The following SLC35D1 variants were observed in gnomAD, a reference collection of about 807,000 sequenced individuals.
SLC35D1 encodes nucleotide sugar transporter SLC35D1.
SLC35D1 carries 31 observed loss-of-function variants against 46.7 expected under a neutral mutation model. That is an observed-to-expected ratio of 0.66 (90% CI 0.50 to 0.90). The LOEUF is 0.90. Ranked by LOEUF, SLC35D1 falls within the 40% of genes least tolerant of loss-of-function variation. The pLI, the probability that SLC35D1 is intolerant of heterozygous loss-of-function variation, is 0.00. For missense variants in SLC35D1, 397 were observed against 426.2 expected, an observed-to-expected ratio of 0.93 and a Z score of 0.60; for synonymous variants, 195 against 164.6, an observed-to-expected ratio of 1.18 and a Z score of -1.41.
chr1:67,028,677 A>G (rs1280629493), intron 8 of SLC35D1, among the ~76,000 whole-genome samples: 1 of 152,258 alleles, frequency 6.6e-6, no homozygotes, highest in East Asian at 1.9e-4. Context: ...AATTTGCAGA[A>G]AAAAAATTTC....
At chr1:67,052,527 T>G (rs1645320462) in intron 3 of SLC35D1, among the ~76,000 whole-genome samples, 1 of 152,176 alleles carries the variant, frequency 6.6e-6, no homozygotes, top group African/African-American at 2.4e-5. Context: ...ACTATTGTAC[T>G]CTCAACAAGT....
At chr1:66,975,401 A>G in the SLC35D1 span, among the ~76,000 whole-genome samples, 12 of 151,922 alleles carry the variant, frequency 7.9e-5, no homozygotes, top group Admixed American at 2.0e-4. Flanking sequence ...GTGGCATGCA[A>G]TTGTGGTCCC....
intron 8 of SLC35D1, 140 bp from the exon 9 acceptor site, chr1:67,021,742 C>A: frequency 1.4e-6 from 1 of 711,436 alleles, no homozygotes; most frequent in Non-Finnish European, 2.5e-6. Context: ...CACACACACA[C>A]ACACACACAC....
chr1:66,983,514 G>A, the SLC35D1 span, among the ~76,000 whole-genome samples: 1 of 152,078 alleles, frequency 6.6e-6, no homozygotes, highest in Non-Finnish European at 1.5e-5. Context: ...CCATTTTACA[G>A]TCAACTCTAA....
At chr1:66,977,413 A>G in the SLC35D1 span, among the ~76,000 whole-genome samples, 2 of 152,042 alleles carry the variant, frequency 1.3e-5, no homozygotes, top group African/African-American at 4.8e-5. Flanking sequence ...CCCAGCATAC[A>G]GTTTTTTTAT....
intron 6 of SLC35D1, among the ~76,000 whole-genome samples, chr1:67,048,606 G>T (rs896240291): frequency 2.0e-5 from 3 of 152,160 alleles, no homozygotes; most frequent in African/African-American, 7.2e-5. Context: ...TATACTACAG[G>T]AATGTGATGA....
Position 67,053,878 on chromosome 1 carries a change from C to A in SLC35D1, c.136G>T (p.Ala46Ser), listed in dbSNP as rs1231025375. The A allele has an allele frequency of 3.7e-6, 6 of 1,613,664 alleles. No homozygotes were observed. The highest frequency in any genetic ancestry group is 5.1e-6 in the Non-Finnish European group (6 of 1,179,700). ...AAGGAGCTCACGCCGTAAAAGCCGGCGGCCAGCAGCTTCAGAAACACGGTC... is the reference window on the plus strand; with the variant it reads ...AAGGAGCTCACGCCGTAAAAGCCGGAGGCCAGCAGCTTCAGAAACACGGTC... ...TLTVFLKLLA[A>S]GFYGVSSFLI... is the part of the protein sequence containing the mutation. The change falls in exon 1 of 12, where the codon GCC becomes TCC. Residue 46 changes from alanine (A) to serine (S), a missense_variant. Transcript: ENST00000235345.
intron 10 of SLC35D1, among the ~76,000 whole-genome samples, chr1:67,016,207 T>G (rs992703559): frequency 2.6e-5 from 4 of 152,128 alleles, no homozygotes; most frequent in Admixed American, 2.0e-4. Flanking sequence ...GTAATAATTA[T>G]GATTATGTTA....
At chr1:67,023,713 T>C (rs1385902872) in intron 8 of SLC35D1, among the ~76,000 whole-genome samples, 1 of 151,458 alleles carries the variant, frequency 6.6e-6, no homozygotes, top group Admixed American at 6.6e-5. Flanking sequence ...CACGAACTCC[T>C]GACTTCAAGT....
chr1:66,980,733 A>C, the SLC35D1 span, among the ~76,000 whole-genome samples: 1 of 152,010 alleles, frequency 6.6e-6, no homozygotes, highest in Non-Finnish European at 1.5e-5. Flanking sequence ...CAACTTAGGT[A>C]CCAGTGGTGC....
chr1:66,975,857 G>C, the SLC35D1 span, among the ~76,000 whole-genome samples: 1 of 152,096 alleles, frequency 6.6e-6, no homozygotes, highest in Non-Finnish European at 1.5e-5. Context: ...GTTGCTGTTG[G>C]GACTAGTAAG....
intron 10 of SLC35D1, 28 bp downstream of exon 10, chr1:67,020,341 C>A: frequency 7.0e-7 from 1 of 1,434,776 alleles, no homozygotes; most frequent in South Asian, 1.1e-5. Context: ...ATGCAGGTAC[C>A]AAAAGCTAAC....
At chr1:66,984,730 C>T in the SLC35D1 span, 2 of 1,613,980 alleles carry the variant, frequency 1.2e-6, no homozygotes, top group Admixed American at 1.7e-5. Context: ...TGACCCAAAA[C>T]TTGCCCATAT....
At position 67,050,445 on chromosome 1, in the gene SLC35D1, C is replaced by T. The variant is rs1249347207; in HGVS notation, c.452G>A (p.Gly151Glu). The stretch of plus-strand genomic sequence containing the variant: ...AAACTTAGCTCACTTGAGTAAAACT[C>T]CTTCAGCAAACATTGTAAACAGGAT... ...FSILFTMFAE[G>E]VLLKKTFSWG... is the part of the protein sequence containing the mutation. The change falls in exon 5 of 12, where the codon GGA becomes GAA. Residue 151 changes from glycine (G) to glutamate (E), a missense_variant. Coordinates refer to ENST00000235345, the MANE Select transcript of SLC35D1 (RefSeq NM_015139.3). 54 of 1,613,104 alleles carry T rather than the reference C, an allele frequency of 3.3e-5. No individual in the cohort carries two copies. Among genetic ancestry groups the T allele is most frequent in the Non-Finnish European group, 4.6e-5 (54 of 1,179,338 alleles).
At chr1:67,052,314 G>A (rs1317288564) in intron 3 of SLC35D1, among the ~76,000 whole-genome samples, 13 of 152,116 alleles carry the variant, frequency 8.5e-5, no homozygotes, top group Admixed American at 8.5e-4. Context: ...ACAGAAATAT[G>A]AATATGATCA....
rs780913173 is a variant in SLC35D1, at chr1:67,004,395, C to T, written c.1013G>A (p.Ser338Asn). The change falls in exon 12 of 12, where the codon AGC (serine) becomes AAC (asparagine). Residue 338 changes from serine to asparagine, a missense_variant. Transcript: ENST00000235345. ...SYITFTEEQL[S>N]KQSEANNKLD... ...CTTGTTATTAGCCTCTGACTGTTTGCTCAGCTGCTCTTCAGTGAAAGTGAT... is the reference window on the plus strand; with the variant it reads ...CTTGTTATTAGCCTCTGACTGTTTGTTCAGCTGCTCTTCAGTGAAAGTGAT... 3 of 1,614,080 alleles carry T rather than the reference C, an allele frequency of 1.9e-6. 1 individual carries two copies. Among genetic ancestry groups the T allele is most frequent in the Non-Finnish European group, 2.5e-6 (3 of 1,179,976 alleles).
intron 3 of SLC35D1, 75 bp downstream of exon 3, chr1:67,052,696 G>C (rs1645322470): frequency 6.8e-7 from 1 of 1,480,224 alleles, no homozygotes; most frequent in African/African-American, 1.4e-5. Context: ...TTTTAAATAC[G>C]CAAGGCACTG....
At chr1:66,975,636 C>T in the SLC35D1 span, among the ~76,000 whole-genome samples, 3 of 152,142 alleles carry the variant, frequency 2.0e-5, no homozygotes, top group African/African-American at 7.2e-5. Context: ...CCAGTTCTCC[C>T]GGCTAAGTAA....
At position 67,042,331 on chromosome 1, in the gene SLC35D1, A is replaced by T; in HGVS notation, c.637-3T>A. The T allele has an allele frequency of 6.2e-7, 1 of 1,613,746 alleles. No homozygotes were observed. Among genetic ancestry groups the T allele is most frequent in the Non-Finnish European group, 8.5e-7 (1 of 1,179,612 alleles). On this transcript the variant is annotated splice_region_variant and splice_polypyrimidine_tract_variant and intron_variant, in intron 7 of 11. Transcript: ENST00000235345. ...AGCAGTCCATATTTTCCCAGCTCCT[A>T]GGACAGTAAATAATTAGGTGTTTCA...
Sources: allele counts gnomAD v4.1 joint callset (sites outside exome capture counted in the v4.1 genomes callset), GRCh38; gene constraint gnomAD v4.1.1; transcripts MANE v1.5; gene names NCBI Gene and HGNC (gene_info 2026-07-23, HGNC 2026-07-21).